Variants in BRINP2 observed in about 807,000 individuals in gnomAD.
The protein encoded by BRINP2 is BMP/retinoic acid inducible neural specific 2, also known as BMP/retinoic acid-inducible neural-specific protein 2.
Under a neutral mutation model 69.2 loss-of-function variants are expected in BRINP2, and 21 were observed. That is an observed-to-expected ratio of 0.30 (90% CI 0.22 to 0.44). The LOEUF (loss-of-function observed/expected upper bound fraction) is 0.44, where lower values mean the gene tolerates loss of function less well. BRINP2 is among the 20% of genes least tolerant of loss of function. The pLI is 1.00. For missense variants in BRINP2, 877 were observed against 986.0 expected, an observed-to-expected ratio of 0.89 and a Z score of 1.48; for synonymous variants, 380 against 394.1, an observed-to-expected ratio of 0.96 and a Z score of 0.42.
chr1:177,263,528 G>T (rs1475458442), intron 4 of BRINP2, among the ~76,000 whole-genome samples: 1 of 152,182 alleles, frequency 6.6e-6, no homozygotes, highest in Non-Finnish European at 1.5e-5. Context: ...AGAGAAGGCT[G>T]CAGGGGAAAC....
chr1:177,191,991 A>T (rs937814019), intron 1 of BRINP2, among the ~76,000 whole-genome samples: 19 of 152,238 alleles, frequency 1.2e-4, no homozygotes, highest in Non-Finnish European at 2.4e-4. Flanking sequence ...ACCTCAAATT[A>T]AAAATAAAAG....
chr1:177,278,449 C>A, intron 6 of BRINP2, 114 bp from the exon 7 acceptor site: 1 of 930,202 alleles, frequency 1.1e-6, no homozygotes, highest in Non-Finnish European at 1.7e-6. Context: ...GGTGTGCAGC[C>A]TCCTTTCTCA....
At chr1:177,270,205 G>A (rs1200107195) in intron 4 of BRINP2, among the ~76,000 whole-genome samples, 2 of 152,130 alleles carry the variant, frequency 1.3e-5, no homozygotes, top group African/African-American at 4.8e-5. Flanking sequence ...GGAGAAGACA[G>A]TGTGTCAGAG....
chr1:177,213,610 T>C (rs1333335361), intron 1 of BRINP2, among the ~76,000 whole-genome samples: 1 of 152,242 alleles, frequency 6.6e-6, no homozygotes, highest in Non-Finnish European at 1.5e-5. Context: ...TGAAAATAAT[T>C]AATCTGTTTT....
chr1:177,230,270 G>T, intron 2 of BRINP2, 125 bp downstream of exon 2: 2 of 1,058,236 alleles, frequency 1.9e-6, no homozygotes, highest in Non-Finnish European at 2.6e-6. Context: ...AGAGGTGAAA[G>T]CTGGAGGAAC....
intron 2 of BRINP2, among the ~76,000 whole-genome samples, chr1:177,238,104 G>A (rs1650085728): frequency 6.6e-6 from 1 of 152,176 alleles, no homozygotes; most frequent in African/African-American, 2.4e-5. Flanking sequence ...CACTCTACAA[G>A]GGCTGGGGAC....
intron 1 of BRINP2, among the ~76,000 whole-genome samples, chr1:177,192,083 A>T (rs1009355432): frequency 6.6e-6 from 1 of 152,218 alleles, no homozygotes; most frequent in Non-Finnish European, 1.5e-5. Flanking sequence ...AATGGGAAAC[A>T]TCTTTAAGTG....
intron 1 of BRINP2, among the ~76,000 whole-genome samples, chr1:177,227,569 C>T (rs1649733720): frequency 6.6e-6 from 1 of 151,580 alleles, no homozygotes; most frequent in African/African-American, 2.4e-5. Flanking sequence ...TGCCTACACC[C>T]TCTATGTACA....
intron 2 of BRINP2, among the ~76,000 whole-genome samples, chr1:177,250,048 C>T (rs1650531256): frequency 6.6e-6 from 1 of 152,172 alleles, no homozygotes; most frequent in South Asian, 2.1e-4. Context: ...GTTGCCCAGG[C>T]TGGACTCGAA....
At chr1:177,278,444 G>A (rs1372814760) in intron 6 of BRINP2, 119 bp from the exon 7 acceptor site, 10 of 873,876 alleles carry the variant, frequency 1.1e-5, no homozygotes, top group African/African-American at 1.8e-5. Flanking sequence ...AAATGGGTGT[G>A]CAGCCTCCTT....
intron 1 of BRINP2, among the ~76,000 whole-genome samples, chr1:177,190,824 A>G (rs1271621797): frequency 6.6e-6 from 1 of 152,160 alleles, no homozygotes; most frequent in Non-Finnish European, 1.5e-5. Flanking sequence ...TCATATTAAC[A>G]GATCTAAGCC....
intron 2 of BRINP2, among the ~76,000 whole-genome samples, chr1:177,242,593 A>G (rs1650239901): frequency 6.6e-6 from 1 of 152,120 alleles, no homozygotes; most frequent in Non-Finnish European, 1.5e-5. Flanking sequence ...GACTCCTACA[A>G]GAGTTGGTTA....
At chr1:177,237,179 A>G (rs1210956858) in intron 2 of BRINP2, among the ~76,000 whole-genome samples, 2 of 152,186 alleles carry the variant, frequency 1.3e-5, no homozygotes, top group East Asian at 3.9e-4. Context: ...GGGTAAGGTT[A>G]CCACACCATA....
At chr1:177,216,848 T>A (rs903971418) in intron 1 of BRINP2, among the ~76,000 whole-genome samples, 3 of 151,762 alleles carry the variant, frequency 2.0e-5, no homozygotes, top group African/African-American at 7.3e-5. Flanking sequence ...CCGCGGTGTT[T>A]CTGCTGAGAA....
chr1:177,230,629 C>T (rs1571917722), intron 2 of BRINP2, among the ~76,000 whole-genome samples: 1 of 152,352 alleles, frequency 6.6e-6, no homozygotes, highest in South Asian at 2.1e-4. Context: ...CCTGTCCTTA[C>T]CCTTGTCAAC....
intron 5 of BRINP2, among the ~76,000 whole-genome samples, chr1:177,275,696 C>T (rs1009363476): frequency 6.6e-6 from 1 of 152,142 alleles, no homozygotes; most frequent in Non-Finnish European, 1.5e-5. Context: ...GTCATCAGAG[C>T]TAGGGTGGGG....
chr1:177,220,427 GCAGTA>G (rs1296273272), intron 1 of BRINP2, among the ~76,000 whole-genome samples: 2 of 152,024 alleles, frequency 1.3e-5, no homozygotes, highest in Admixed American at 1.3e-4. Context: ...TTCAAAGTGT[GCAGTA>G]CCTCCCCCAC....
At chr1:177,175,292 G>T (rs974311817) in intron 1 of BRINP2, among the ~76,000 whole-genome samples, 3 of 151,926 alleles carry the variant, frequency 2.0e-5, no homozygotes, top group Non-Finnish European at 4.4e-5. Flanking sequence ...AAGCGGGGTG[G>T]GGGGGGCAGG....
chr1:177,193,870 A>G (rs1648663828), intron 1 of BRINP2, among the ~76,000 whole-genome samples: 1 of 152,180 alleles, frequency 6.6e-6, no homozygotes, highest in Non-Finnish European at 1.5e-5. Context: ...ATCTGTTTCA[A>G]TCTTCTCATT....
Sources: allele counts gnomAD v4.1 joint callset (sites outside exome capture counted in the v4.1 genomes callset), GRCh38; gene constraint gnomAD v4.1.1; transcripts MANE v1.5; gene names NCBI Gene and HGNC (gene_info 2026-07-23, HGNC 2026-07-21).